The following MYBBP1A variants were observed in gnomAD, a reference collection of about 807,000 sequenced individuals.
MYBBP1A encodes MYB binding protein 1a.
A neutral mutation model predicts 136.3 loss-of-function variants in MYBBP1A; 147 were observed. The ratio of observed to expected loss-of-function variants is 1.08; its 90% CI spans 0.94 to 1.24. The LOEUF (loss-of-function observed/expected upper bound fraction) is 1.24, where lower values mean the gene tolerates loss of function less well. Among genes scored for constraint, MYBBP1A ranks in the 50% most tolerant of loss-of-function variants. MYBBP1A has a pLI of 0.00. For synonymous variants in MYBBP1A, 947 were observed against 735.8 expected, an observed-to-expected ratio of 1.29 and a Z score of -4.65; for missense variants, 2,060 against 1,727.4, an observed-to-expected ratio of 1.19 and a Z score of -3.41.
Position 4,552,600 on chromosome 17 carries a change from G to C in MYBBP1A, c.588C>G (p.Ile196Met). 1 of 1,613,772 alleles carries C rather than the reference G, an allele frequency of 6.2e-7. No individual in the cohort carries two copies. The highest frequency in any genetic ancestry group is 8.5e-7 in the Non-Finnish European group (1 of 1,179,964). The change falls in exon 6 of 26, where the codon ATC becomes ATG. Residue 196 changes from isoleucine to methionine, a missense_variant. By Grantham distance (10) the Ile-to-Met change is conservative. Coordinates refer to ENST00000254718, the MANE Select transcript of MYBBP1A (RefSeq NM_014520.4). This position sits in a 1 kb window ranked among gnomAD's most constrained non-coding sequence, Gnocchi z 4.7. ...AGTCGGCTTTGAGGACCTCCGGCAG[G>C]ATCTCCTGCAATGTGGCCTTCGAGA... is the stretch of plus-strand genomic sequence containing the variant. ...SEVSKATLQE[I>M]LPEVLKADLN...
rs767581060 is a variant in MYBBP1A, at chr17:4,543,159, G to T, written c.2646C>A (p.His882Gln). 5.0e-6 allele frequency: 8 copies of T among 1,604,254 alleles called. No homozygotes were observed. The Admixed American group carries it at 1.3e-4, about 27-fold the overall frequency. Residue 882 changes from histidine (H) to glutamine (Q), a missense_variant, in exon 20 of 26, where the codon CAC (histidine) becomes CAA (glutamine). Transcript: ENST00000254718. ...LHKTARIFTH[H>Q]LCRARRYCHD... ...GGCAGTAGCGCCGGGCACGGCACAGGTGGTGCCTGTGGGTGGTGAGGACGA... is the reference window on the plus strand; with the variant it reads ...GGCAGTAGCGCCGGGCACGGCACAGTTGGTGCCTGTGGGTGGTGAGGACGA...
Position 4,551,972 on chromosome 17 carries a change from C to T in MYBBP1A, c.931G>A (p.Ala311Thr), listed in dbSNP as rs376982917. The T allele has an allele frequency of 2.2e-5, 35 of 1,610,792 alleles. No individual in the cohort carries two copies. The highest frequency in any genetic ancestry group is 1.6e-4 in the Middle Eastern group (1 of 6,078). The change falls in exon 8 of 26, where the codon GCG becomes ACG. Residue 311 changes from alanine (A) to threonine (T), a missense_variant. By Grantham distance (58) the Ala-to-Thr change is moderately conservative. Coordinates refer to ENST00000254718, the MANE Select transcript of MYBBP1A (RefSeq NM_014520.4). ...TCCTTGGTCAGCAGGGGCAGGGCCG[C>T]GCCCAGCAGGCGGAAACACAGGTAG... is the stretch of plus-strand genomic sequence containing the variant. ...ASYLCFRLLG[A>T]ALPLLTKEQL...
At chr17:4,551,640 C>T (rs529382621) in intron 8 of MYBBP1A, among the ~76,000 whole-genome samples, 10 of 152,156 alleles carry the variant, frequency 6.6e-5, no homozygotes, top group African/African-American at 1.7e-4. Context: ...ACCTGGGAGG[C>T]GGAGGTTGCA....
At chr17:4,540,205 T>C (rs1013885206) in intron 25 of MYBBP1A, 143 bp downstream of exon 25, 6 of 1,278,302 alleles carry the variant, frequency 4.7e-6, no homozygotes, top group Non-Finnish European at 6.4e-6. Flanking sequence ...CATCTGAGAA[T>C]GCGCTTGAGT....
intron 19 of MYBBP1A, among the ~76,000 whole-genome samples, chr17:4,543,787 C>T (rs1454050872): frequency 1.3e-5 from 2 of 152,146 alleles, no homozygotes; most frequent in African/African-American, 2.4e-5. Flanking sequence ...CCACGCCTGC[C>T]ACCGCCTCCC....
rs973018971 is a variant in MYBBP1A at position 4,548,731 on chromosome 17, G to A, written c.1431-82C>T. 6.3e-6 allele frequency: 10 copies of A among 1,580,496 alleles called. No homozygotes were observed. In the African/African-American group the frequency reaches 8.1e-5, roughly 13 times the overall value. Reference sequence around the variant, plus strand: ...CCCCTCCTTGGATGGTACCACCGAGGGTACAAGGCCAGGAGGAGGAGGAGC... The same window carrying A: ...CCCCTCCTTGGATGGTACCACCGAGAGTACAAGGCCAGGAGGAGGAGGAGC... On this transcript the variant is annotated intron_variant, in intron 10 of 25. Transcript: ENST00000254718. This position sits in a 1 kb window ranked among gnomAD's most constrained non-coding sequence, Gnocchi z 4.2.
chr17:4,549,996 G>A lies in MYBBP1A; in HGVS notation c.1319+62C>T. ...CTGTGGAGGGCGGGCTTGGGTCGCGGGGCTCTGCAGGCCTAGGAAGTTAAC... is the reference window on the plus strand; with the variant it reads ...CTGTGGAGGGCGGGCTTGGGTCGCGAGGCTCTGCAGGCCTAGGAAGTTAAC... On this transcript the variant is annotated intron_variant, in intron 9 of 25. Transcript: ENST00000254718. The A allele has an allele frequency of 2.6e-6, 4 of 1,533,222 alleles. No homozygotes were observed. The South Asian group carries it at 3.8e-5, about 15-fold the overall frequency. The allele number at this position is 1,533,222 out of a possible 1,614,324, so 95.0% of individuals were successfully genotyped here.
At chr17:4,554,384 T>A (rs1907836737) in intron 2 of MYBBP1A, 106 bp from the exon 3 acceptor site, 1 of 941,812 alleles carries the variant, frequency 1.1e-6, no homozygotes, top group African/African-American at 1.6e-5. Context: ...CCAAGAAGCC[T>A]CAGGTCCCTA....
At position 4,548,389 on chromosome 17, in the gene MYBBP1A, G is replaced by C; in HGVS notation, c.1557-79C>G. 1 of 1,599,850 alleles carries C rather than the reference G, an allele frequency of 6.3e-7. No individual in the cohort carries two copies. The highest frequency in any genetic ancestry group is 1.1e-5 in the South Asian group (1 of 90,764). ...CCTCCCTCCGCCCTCCCCAGGGCTC[G>C]GTCTCCCGCCTCTCCAGGACCTACT... On this transcript the variant is annotated intron_variant, in intron 11 of 25. Coordinates refer to ENST00000254718, the MANE Select transcript of MYBBP1A (RefSeq NM_014520.4). This position sits in a 1 kb window ranked among gnomAD's most constrained non-coding sequence, Gnocchi z 4.2.
chr17:4,549,893 A>G (rs1907350505), intron 9 of MYBBP1A, among the ~76,000 whole-genome samples, 165 bp downstream of exon 9: 1 of 151,678 alleles, frequency 6.6e-6, no homozygotes, highest in Non-Finnish European at 1.5e-5. Flanking sequence ...CAGTGTGGGG[A>G]CACACAAGTA....
intron 20 of MYBBP1A, 46 bp downstream of exon 20, chr17:4,542,867 T>C: frequency 4.4e-6 from 7 of 1,609,054 alleles, no homozygotes; most frequent in Non-Finnish European, 5.1e-6. Flanking sequence ...CTCCACTCCC[T>C]GGCTGTGAAA....
rs150416304 is a variant in MYBBP1A, at chr17:4,550,200, G to A, written c.1177C>T (p.Arg393Trp). ...QGLPVTPTFW[R>W]VVRFLSPPAL... The stretch of plus-strand genomic sequence containing the variant: ...GGAGGGCTCAGGAACCGCACGACCC[G>A]CCAGAAAGTAGGCGTGACAGGGAGG... Residue 393 changes from arginine (R) to tryptophan (W), a missense_variant, in exon 9 of 26, where the codon CGG becomes TGG. Arg to Trp is a moderately radical substitution (Grantham distance 101, BLOSUM62 -3). Transcript: ENST00000254718. 25 of 1,613,750 alleles carry A rather than the reference G, an allele frequency of 1.5e-5. No homozygotes were observed. The highest frequency in any genetic ancestry group is 4.4e-5 in the South Asian group (4 of 91,090).
chr17:4,548,637 GAACA>G lies in MYBBP1A; in HGVS notation c.1439_1442del (p.Leu480SerfsTer73). Reference sequence around the variant, plus strand: ...GCTTCTTTGTGACAAAGAACGAGTGGAACAAACAAAACCTGGGGAGGGTGGGAGA... The same window carrying G: ...GCTTCTTTGTGACAAAGAACGAGTGGAACAAAACCTGGGGAGGGTGGGAGA... On this transcript the variant is annotated frameshift_variant, in exon 11 of 26. Coordinates refer to ENST00000254718, the MANE Select transcript of MYBBP1A (RefSeq NM_014520.4). LOFTEE classifies it high-confidence loss of function. This position sits in a 1 kb window ranked among gnomAD's most constrained non-coding sequence, Gnocchi z 4.2. The G allele has an allele frequency of 6.2e-7, 1 of 1,614,168 alleles. No homozygotes were observed. The highest frequency in any genetic ancestry group is 8.5e-7 in the Non-Finnish European group (1 of 1,180,036).
chr17:4,542,700 G>C lies in MYBBP1A; in HGVS notation c.2934C>G (p.Tyr978Ter), dbSNP rs779112111. The C allele has an allele frequency of 6.2e-7, 1 of 1,614,062 alleles. No individual in the cohort carries two copies. The highest frequency in any genetic ancestry group is 1.1e-5 in the South Asian group (1 of 91,068). Residue 978 changes from tyrosine (Y) to a stop codon, truncating the protein, a stop_gained, in exon 21 of 26, where the codon TAC becomes TAG. Transcript: ENST00000254718. LOFTEE classifies it high-confidence loss of function. ...TCAGGAAGGAGCTCAGTGCTGTCGA[G>C]TACACCCGGGTCACCAGGTTCAAGT... ...CLDLNLVTRV[Y>*]STALSSFLTK... is the part of the protein sequence containing the mutation.
At chr17:4,541,390 C>A in intron 24 of MYBBP1A, 73 bp downstream of exon 24, 1 of 1,311,392 alleles carries the variant, frequency 7.6e-7, no homozygotes, top group Non-Finnish European at 1.1e-6. Flanking sequence ...CCGGGCATGG[C>A]ACTGCTGGCC....
intron 20 of MYBBP1A, 77 bp downstream of exon 20, chr17:4,542,836 G>C (rs775023554): frequency 1.2e-6 from 2 of 1,602,266 alleles, no homozygotes; most frequent in Non-Finnish European, 1.7e-6. Context: ...GCTGAGGGTT[G>C]GGCCCTGGGG....
rs576840138 is a variant in MYBBP1A at position 4,542,695 on chromosome 17, G to A, written c.2939C>T (p.Thr980Ile). ...CTTGGTCAGGAAGGAGCTCAGTGCT[G>A]TCGAGTACACCCGGGTCACCAGGTT... Reference protein sequence around the residue: ...DLNLVTRVYSTALSSFLTKRN... With the variant: ...DLNLVTRVYSIALSSFLTKRN... Residue 980 changes from threonine to isoleucine, a missense_variant, in exon 21 of 26, where the codon ACA (threonine) becomes ATA (isoleucine). Transcript: ENST00000254718. 1.9e-6 allele frequency: 3 copies of A among 1,613,956 alleles called. No individual in the cohort carries two copies. The highest frequency in any genetic ancestry group is 2.2e-5 in the East Asian group (1 of 44,890).
rs1325063545 is a variant in MYBBP1A at position 4,540,348 on chromosome 17, T to C, written c.3434A>G (p.Gln1145Arg). 6.2e-7 allele frequency: 1 copy of C among 1,605,044 alleles called. No homozygotes were observed. Among genetic ancestry groups the C allele is most frequent in the East Asian group, 2.2e-5 (1 of 44,858 alleles). ...TGTGTGTCCCCCTCCCAGAACCTACTGGACTCCCAGGGTTTTCATGGCCTG... is the reference window on the plus strand; with the variant it reads ...TGTGTGTCCCCCTCCCAGAACCTACCGGACTCCCAGGGTTTTCATGGCCTG... Reference protein sequence around the residue: ...YWQAMKTLGVQRPKLEKKDAK... With the variant: ...YWQAMKTLGVRRPKLEKKDAK... Residue 1145 changes from glutamine (Q) to arginine (R), a missense_variant and splice_region_variant, in exon 25 of 26, where the codon CAG (glutamine) becomes CGG (arginine). Transcript: ENST00000254718.
chr17:4,555,029 G>T, intron 1 of MYBBP1A, 73 bp from the exon 2 acceptor site: 1 of 1,594,156 alleles, frequency 6.3e-7, no homozygotes. Context: ...CTGGCATCCA[G>T]GTTCGCGACC....
Sources: gnomAD v4.1 joint callset for allele counts (sites outside exome capture counted in the v4.1 genomes callset) on GRCh38, gnomAD v4.1.1 for gene constraint, Gnocchi (gnomAD v3.1) non-coding constraint, MANE v1.5 for transcripts, NCBI Gene and HGNC (gene_info 2026-07-23, HGNC 2026-07-21) for gene names.